The following SYT14 variants were observed in gnomAD, a reference collection of about 807,000 sequenced individuals.
SYT14 encodes synaptotagmin-14.
SYT14 carries 32 observed loss-of-function variants against 74.2 expected under a neutral mutation model. The ratio of observed to expected loss-of-function variants is 0.43; its 90% CI spans 0.33 to 0.58. The LOEUF (loss-of-function observed/expected upper bound fraction) is 0.58, where lower values mean the gene tolerates loss of function less well. SYT14 is among the 20% of genes least tolerant of loss of function. The probability of loss-of-function intolerance (pLI) is 0.05; values close to 1 mark genes in which losing one functional copy is unlikely to be tolerated. For synonymous variants in SYT14, 298 were observed against 337.7 expected, an observed-to-expected ratio of 0.88 and a Z score of 1.29; for missense variants, 791 against 981.8, an observed-to-expected ratio of 0.81 and a Z score of 2.60.
At chr1:210,070,670 T>G (rs1214228688) in intron 5 of SYT14, among the ~76,000 whole-genome samples, 1 of 152,104 alleles carries the variant, frequency 6.6e-6, no homozygotes, top group African/African-American at 2.4e-5. Flanking sequence ...TTGTTTACCA[T>G]TTACTGGGAA....
rs745641035 is a variant in SYT14 at position 210,013,772 on chromosome 1, A to G, written c.-346A>G. On this transcript the variant is annotated 5_prime_UTR_variant, in exon 3 of 10. Transcript: ENST00000637265. ...CAGATCTTGGTTCAGAATACAGTACAAGGAAGAATTCACAAGATAAAATTT... is the reference window on the plus strand; with the variant it reads ...CAGATCTTGGTTCAGAATACAGTACGAGGAAGAATTCACAAGATAAAATTT... 8 of 1,611,608 alleles carry G rather than the reference A, an allele frequency of 5.0e-6. No individual in the cohort carries two copies. The Admixed American group carries it at 1.2e-4, about 24-fold the overall frequency.
At chr1:210,014,400 A>T (rs2080144343) in intron 3 of SYT14, among the ~76,000 whole-genome samples, 1 of 144,032 alleles carries the variant, frequency 6.9e-6, no homozygotes, top group Non-Finnish European at 1.5e-5. Flanking sequence ...TCCTATGGAA[A>T]CATTTTCCTT....
chr1:210,105,054 G>A (rs1224559012), intron 7 of SYT14, among the ~76,000 whole-genome samples: 2 of 152,038 alleles, frequency 1.3e-5, no homozygotes, highest in Non-Finnish European at 2.9e-5. Context: ...CTCGAAGTAT[G>A]ATTCCTGGAC....
intron 7 of SYT14, among the ~76,000 whole-genome samples, chr1:210,127,792 G>A (rs1163533363): frequency 1.3e-5 from 2 of 152,080 alleles, no homozygotes; most frequent in Admixed American, 6.5e-5. Flanking sequence ...TTGGGAGGTC[G>A]AGGTGGGTGG....
In SYT14 at chr1:209,992,544, A is replaced by G. The variant is rs2079710759; in HGVS notation, c.-485-21089A>G. 2.0e-5 allele frequency among the ~76,000 whole-genome samples: 3 copies of G among 152,184 alleles called. No individual in the cohort carries two copies. The South Asian group carries it at 6.2e-4, about 32-fold the overall frequency. On this transcript the variant is annotated intron_variant, in intron 2 of 9. Coordinates refer to ENST00000637265, the Ensembl canonical transcript of SYT14. The stretch of plus-strand genomic sequence containing the variant: ...GGCAACTCAGTAGGATGGAAGTGTG[A>G]GAGAAGGATGAGGGATGGGAAATTA...
In SYT14 at chr1:210,118,502, A is replaced by T. The variant is rs115675917; in HGVS notation, c.2034+18041A>T. ...GTTTTGTTTTTGTTTTTTGAGATGG[A>T]GTCTTGCTTTCATTACCCAGGCTGG... On this transcript the variant is annotated intron_variant, in intron 7 of 9. Coordinates refer to ENST00000637265, the Ensembl canonical transcript of SYT14. Among the ~76,000 whole-genome samples, 1,276 of 151,834 alleles carry T rather than the reference A, an allele frequency of 8.4e-3. 22 individuals carry two copies. Among genetic ancestry groups the T allele is most frequent in the African/African-American group, 0.029 (1,216 of 41,390 alleles).
At chr1:210,087,461 C>A (rs928555975) in intron 5 of SYT14, among the ~76,000 whole-genome samples, 1 of 152,138 alleles carries the variant, frequency 6.6e-6, no homozygotes, top group Non-Finnish European at 1.5e-5. Context: ...TTCCTCAATG[C>A]GAACACACTC....
intron 7 of SYT14, among the ~76,000 whole-genome samples, chr1:210,155,167 T>C (rs921427046): frequency 6.6e-6 from 1 of 152,202 alleles, no homozygotes; most frequent in African/African-American, 2.4e-5. Context: ...CTTCAATCTC[T>C]AGTGGTGATT....
intron 5 of SYT14, among the ~76,000 whole-genome samples, chr1:210,077,232 A>G (rs1049910703): frequency 6.6e-6 from 1 of 152,162 alleles, no homozygotes; most frequent in African/African-American, 2.4e-5. Flanking sequence ...AAGCAGGAGC[A>G]AGAGAGAGTC....
At chr1:209,961,274 T>A (rs1029764380) in intron 2 of SYT14, among the ~76,000 whole-genome samples, 2 of 152,192 alleles carry the variant, frequency 1.3e-5, no homozygotes, top group Non-Finnish European at 2.9e-5. Flanking sequence ...TGTAGAACTA[T>A]ATTCTGACTT....
intron 2 of SYT14, among the ~76,000 whole-genome samples, chr1:210,001,401 G>T (rs913139504): frequency 6.6e-6 from 1 of 151,898 alleles, no homozygotes; most frequent in African/African-American, 2.4e-5. Flanking sequence ...ACATAGTGGG[G>T]ATAAATCTAA....
chr1:210,089,177 G>C (rs2081810392), intron 5 of SYT14, among the ~76,000 whole-genome samples: 1 of 152,104 alleles, frequency 6.6e-6, no homozygotes, highest in Admixed American at 6.5e-5. Flanking sequence ...ATGGTTTCCA[G>C]CTTCATCCAT....
At chr1:209,939,647 A>C (rs2078698022) in intron 1 of SYT14, among the ~76,000 whole-genome samples, 1 of 152,208 alleles carries the variant, frequency 6.6e-6, no homozygotes, top group Non-Finnish European at 1.5e-5. Flanking sequence ...AAAAATCAAG[A>C]AACCAAACCC....
chr1:210,135,088 C>T (rs774153680), intron 7 of SYT14, among the ~76,000 whole-genome samples: 1 of 151,696 alleles, frequency 6.6e-6, no homozygotes, highest in Admixed American at 6.6e-5. Flanking sequence ...TGAAGTGATT[C>T]TTCTACCTCA....
At chr1:210,085,303 A>C (rs1173861391) in intron 5 of SYT14, among the ~76,000 whole-genome samples, 1 of 152,236 alleles carries the variant, frequency 6.6e-6, no homozygotes, top group Non-Finnish European at 1.5e-5. Context: ...GGTTTTCTAC[A>C]TCACAATCAT....
At chr1:210,102,448 T>A (rs546370719) in intron 7 of SYT14, among the ~76,000 whole-genome samples, 1 of 152,192 alleles carries the variant, frequency 6.6e-6, no homozygotes, top group Non-Finnish European at 1.5e-5. Context: ...TTGGTTGCTT[T>A]TGGCTTCTGT....
intron 4 of SYT14, among the ~76,000 whole-genome samples, chr1:210,017,683 C>G (rs1000519472): frequency 1.3e-5 from 2 of 152,098 alleles, no homozygotes; most frequent in African/African-American, 4.8e-5. Flanking sequence ...CATGAGTTCT[C>G]TATGTAGAAT....
intron 7 of SYT14, among the ~76,000 whole-genome samples, chr1:210,120,011 G>A (rs1376568645): frequency 6.6e-6 from 1 of 152,038 alleles, no homozygotes; most frequent in East Asian, 1.9e-4. Flanking sequence ...TCTTACAAAA[G>A]GTATACATTA....
intron 1 of SYT14, among the ~76,000 whole-genome samples, chr1:209,946,055 GT>G (rs1309926035): frequency 6.6e-6 from 1 of 152,102 alleles, no homozygotes; most frequent in Non-Finnish European, 1.5e-5. Context: ...TATTGTAATT[GT>G]TTTGGGCGCT....
Sources: allele counts gnomAD v4.1 joint callset (sites outside exome capture counted in the v4.1 genomes callset), GRCh38; gene constraint gnomAD v4.1.1; transcripts MANE v1.5; gene names NCBI Gene and HGNC (gene_info 2026-07-23, HGNC 2026-07-21).